Variants in NRG3 observed in about 807,000 individuals in gnomAD.
NRG3 encodes the protein pro-neuregulin-3, membrane-bound isoform.
Under a neutral mutation model 66.9 loss-of-function variants are expected in NRG3, and 31 were observed. That is an observed-to-expected ratio of 0.46 (90% confidence interval 0.35 to 0.63). NRG3 has a LOEUF of 0.63. Ranked by LOEUF, NRG3 falls within the 20% of genes least tolerant of loss-of-function variation. NRG3 has a pLI of 0.00. For synonymous variants in NRG3, 393 were observed against 359.4 expected (o/e 1.09, Z -1.06); for missense variants, 910 against 878.9 (o/e 1.04, Z -0.45).
At chr10:82,810,999 G>A (rs1466360896) in intron 3 of NRG3, among the ~76,000 whole-genome samples, 1 of 152,012 alleles carries the variant, frequency 6.6e-6, no homozygotes, top group African/African-American at 2.4e-5. Context: ...TTTACTTGCA[G>A]TGTTCTTCCT....
chr10:82,016,992 T>C (rs1447020471), intron 1 of NRG3, among the ~76,000 whole-genome samples: 1 of 152,222 alleles, frequency 6.6e-6, no homozygotes, highest in Non-Finnish European at 1.5e-5. Flanking sequence ...CGTGCACGTT[T>C]GTTACATGTG....
chr10:82,702,160 A>G (rs998779461), intron 2 of NRG3, among the ~76,000 whole-genome samples: 2 of 152,158 alleles, frequency 1.3e-5, no homozygotes, highest in African/African-American at 4.8e-5. Context: ...GATGCATCTC[A>G]TCTTGTAAAA....
intron 2 of NRG3, among the ~76,000 whole-genome samples, chr10:82,669,934 A>G (rs542488500): frequency 6.6e-6 from 1 of 152,056 alleles, no homozygotes; most frequent in Non-Finnish European, 1.5e-5. Flanking sequence ...TCTCAAAAAA[A>G]AAAAAAGAAA....
intron 1 of NRG3, among the ~76,000 whole-genome samples, chr10:82,003,991 AC>A (rs2061277795): frequency 3.1e-5 from 2 of 63,800 alleles, no homozygotes; most frequent in Admixed American, 3.1e-4. Context: ...GACTGAAAAC[AC>A]ACACACACAC....
chr10:82,679,376 G>A (rs567272975), intron 2 of NRG3, among the ~76,000 whole-genome samples: 1 of 152,162 alleles, frequency 6.6e-6, no homozygotes, highest in African/African-American at 2.4e-5. Context: ...TTACTCTAGT[G>A]AAAAGAAAAA....
intron 6 of NRG3, among the ~76,000 whole-genome samples, chr10:82,973,492 G>A (rs1322805096): frequency 2.0e-5 from 3 of 152,176 alleles, no homozygotes; most frequent in Non-Finnish European, 4.4e-5. Flanking sequence ...CCTTTTGGCT[G>A]TCAGTCATAG....
chr10:82,827,458 C>G (rs1269400215), intron 3 of NRG3, among the ~76,000 whole-genome samples: 3 of 152,072 alleles, frequency 2.0e-5, no homozygotes, highest in Non-Finnish European at 4.4e-5. Flanking sequence ...AATGGGCCAC[C>G]CTTCTCCTTT....
chr10:82,125,387 G>A (rs1296204068), intron 1 of NRG3, among the ~76,000 whole-genome samples: 1 of 151,928 alleles, frequency 6.6e-6, no homozygotes, highest in Non-Finnish European at 1.5e-5. Context: ...AAATCATTCA[G>A]TCTATAAACC....
At chr10:82,847,889 A>G (rs1367057142) in intron 3 of NRG3, among the ~76,000 whole-genome samples, 1 of 152,228 alleles carries the variant, frequency 6.6e-6, no homozygotes, top group African/African-American at 2.4e-5. Flanking sequence ...AGGTTCACAG[A>G]GCATGTTATA....
intron 2 of NRG3, among the ~76,000 whole-genome samples, chr10:82,532,520 T>C (rs539208586): frequency 6.8e-6 from 1 of 147,784 alleles, no homozygotes; most frequent in African/African-American, 2.5e-5. Context: ...TATATGTATA[T>C]AGTACTATAC....
chr10:82,643,380 T>C (rs915981284), intron 2 of NRG3, among the ~76,000 whole-genome samples: 8 of 152,108 alleles, frequency 5.3e-5, no homozygotes, highest in Non-Finnish European at 1.0e-4. Context: ...GACTTGCTCC[T>C]CCCTGCCTTC....
intron 2 of NRG3, among the ~76,000 whole-genome samples, chr10:82,464,582 G>C (rs996375060): frequency 9.2e-5 from 14 of 152,132 alleles, no homozygotes; most frequent in Non-Finnish European, 2.1e-4. Flanking sequence ...TTGAGGCCTG[G>C]GTTTGGCCAA....
intron 2 of NRG3, among the ~76,000 whole-genome samples, chr10:82,673,164 A>G (rs1416187668): frequency 6.6e-6 from 1 of 152,330 alleles, no homozygotes; most frequent in African/African-American, 2.4e-5. Context: ...GTGCGCCCTG[A>G]GATGGGATGG....
intron 1 of NRG3, among the ~76,000 whole-genome samples, chr10:82,079,646 C>G (rs1354592941): frequency 6.6e-6 from 1 of 152,192 alleles, no homozygotes; most frequent in East Asian, 1.9e-4. Context: ...CCCCCAAACC[C>G]CTGGCAATCA....
At chr10:82,573,536 A>G (rs2045863134) in intron 2 of NRG3, among the ~76,000 whole-genome samples, 1 of 151,806 alleles carries the variant, frequency 6.6e-6, no homozygotes, top group Non-Finnish European at 1.5e-5. Flanking sequence ...TCCGCATAGT[A>G]TGTGATTCCT....
At chr10:82,639,686 A>G (rs920571833) in intron 2 of NRG3, among the ~76,000 whole-genome samples, 5 of 152,192 alleles carry the variant, frequency 3.3e-5, no homozygotes, top group African/African-American at 1.2e-4. Flanking sequence ...TTTATATTGG[A>G]ATCAAACCAA....
intron 1 of NRG3, among the ~76,000 whole-genome samples, chr10:82,270,804 T>C (rs954560305): frequency 1.3e-5 from 2 of 152,154 alleles, no homozygotes; most frequent in African/African-American, 4.8e-5. Flanking sequence ...GTTAAATGCA[T>C]GGATGCATCT....
chr10:82,224,384 A>C (rs984869367), intron 1 of NRG3: 2 of 152,166 alleles, frequency 1.3e-5, no homozygotes, highest in African/African-American at 2.4e-5. Flanking sequence ...GTAAATACAT[A>C]TCATTTTATG....
intron 1 of NRG3, among the ~76,000 whole-genome samples, chr10:81,999,034 C>T (rs911317249): frequency 6.6e-6 from 1 of 152,132 alleles, no homozygotes; most frequent in Admixed American, 6.6e-5. Context: ...AGCTCCTGGC[C>T]TCAAGTGATC....
Sources: gnomAD v4.1 joint callset for allele counts (sites outside exome capture counted in the v4.1 genomes callset) on GRCh38, gnomAD v4.1.1 for gene constraint, MANE v1.5 for transcripts, NCBI Gene and HGNC (gene_info 2026-07-23, HGNC 2026-07-21) for gene names.